Variants in STK32B observed in about 807,000 individuals in gnomAD.
The protein encoded by STK32B is serine/threonine-protein kinase 32B.
STK32B carries 43 observed loss-of-function variants against 52.6 expected under a neutral mutation model. The observed-to-expected ratio is 0.82, with a 90% CI of 0.64 to 1.05. The LOEUF (loss-of-function observed/expected upper bound fraction) is 1.05, where lower values mean the gene tolerates loss of function less well. Ranked by LOEUF, STK32B falls within the 50% of genes least tolerant of loss-of-function variation. The pLI is 0.00. For missense variants in STK32B, 621 were observed against 534.6 expected, an observed-to-expected ratio of 1.16 and a Z score of -1.59; for synonymous variants, 238 against 204.3, an observed-to-expected ratio of 1.17 and a Z score of -1.41.
chr4:5,473,546 G>A (rs1003068529), intron 11 of STK32B, among the ~76,000 whole-genome samples: 17 of 152,180 alleles, frequency 1.1e-4, no homozygotes, highest in Non-Finnish European at 5.9e-5. Context: ...TGGCAGAGCC[G>A]GGGTTCCACA....
intron 3 of STK32B, among the ~76,000 whole-genome samples, chr4:5,179,625 G>C (rs76688644): frequency 0.19 from 28,490 of 152,090 alleles, 3,341 homozygotes; most frequent in East Asian, 0.3. Context: ...TAGATTGATA[G>C]ACGATGGCCC....
intron 4 of STK32B, among the ~76,000 whole-genome samples, chr4:5,336,405 T>A (rs1158365582): frequency 6.6e-6 from 1 of 152,042 alleles, no homozygotes; most frequent in African/African-American, 2.4e-5. Context: ...TCCAGGGAAA[T>A]CTTCTAACTT....
chr4:5,079,204 T>G (rs1473375922), intron 1 of STK32B, among the ~76,000 whole-genome samples: 1 of 152,350 alleles, frequency 6.6e-6, no homozygotes, highest in East Asian at 1.9e-4. Flanking sequence ...AGTAATTTAT[T>G]TAACTATATT....
intron 11 of STK32B, among the ~76,000 whole-genome samples, chr4:5,492,939 G>A (rs377728328): frequency 6.6e-6 from 1 of 151,114 alleles, no homozygotes; most frequent in Non-Finnish European, 1.5e-5. Context: ...CTTGATCATG[G>A]TGGATAAGCT....
At chr4:5,310,879 G>T (rs888180467) in intron 3 of STK32B, among the ~76,000 whole-genome samples, 4 of 152,104 alleles carry the variant, frequency 2.6e-5, no homozygotes, top group African/African-American at 4.8e-5. Context: ...AAATTCTGTC[G>T]TTCATGGCAA....
intron 2 of STK32B, among the ~76,000 whole-genome samples, chr4:5,164,116 A>G (rs374003102): frequency 1.4e-4 from 21 of 152,220 alleles, no homozygotes; most frequent in African/African-American, 4.8e-4. Context: ...ATAGATTGTG[A>G]TAACTTCCTA....
intron 1 of STK32B, among the ~76,000 whole-genome samples, chr4:5,131,713 T>C (rs552398955): frequency 6.6e-6 from 1 of 152,214 alleles, no homozygotes; most frequent in Non-Finnish European, 1.5e-5. Flanking sequence ...CCTCCTCATA[T>C]CAGCATGGCA....
chr4:5,304,599 T>C (rs1729793962), intron 3 of STK32B, among the ~76,000 whole-genome samples: 1 of 152,096 alleles, frequency 6.6e-6, no homozygotes, highest in South Asian at 2.1e-4. Context: ...CTTTAGGGTT[T>C]TCTAGGTATA....
chr4:5,092,762 G>A (rs1485691567), intron 1 of STK32B, among the ~76,000 whole-genome samples: 1 of 152,080 alleles, frequency 6.6e-6, no homozygotes, highest in Non-Finnish European at 1.5e-5. Flanking sequence ...GCACCAAGGA[G>A]ATGGTGCTAA....
At chr4:5,183,849 A>G (rs894839577) in intron 3 of STK32B, among the ~76,000 whole-genome samples, 4 of 152,118 alleles carry the variant, frequency 2.6e-5, no homozygotes, top group Admixed American at 2.6e-4. Flanking sequence ...GCTACCTTTC[A>G]GCTTTTCTTC....
intron 3 of STK32B, among the ~76,000 whole-genome samples, chr4:5,226,663 A>G (rs760538080): frequency 6.6e-6 from 1 of 152,182 alleles, no homozygotes; most frequent in Non-Finnish European, 1.5e-5. Flanking sequence ...TTACTTAATA[A>G]CGGCCCCAAA....
chr4:5,329,293 C>T (rs952380870), intron 3 of STK32B, among the ~76,000 whole-genome samples: 3 of 152,172 alleles, frequency 2.0e-5, no homozygotes, highest in African/African-American at 7.2e-5. Flanking sequence ...GGAGCAGGGA[C>T]TGTATCTTAC....
chr4:5,163,153 A>T (rs1176468202), intron 2 of STK32B, among the ~76,000 whole-genome samples: 1 of 152,162 alleles, frequency 6.6e-6, no homozygotes, highest in Admixed American at 6.6e-5. Context: ...GTGGGACAGG[A>T]GAAGGCTTGC....
At chr4:5,098,229 G>A (rs1713510079) in intron 1 of STK32B, among the ~76,000 whole-genome samples, 1 of 152,212 alleles carries the variant, frequency 6.6e-6, no homozygotes, top group African/African-American at 2.4e-5. Context: ...AGTGAAAAGT[G>A]TTAAAGACAG....
At chr4:5,045,883 T>G in the STK32B span, among the ~76,000 whole-genome samples, 10 of 152,316 alleles carry the variant, frequency 6.6e-5, no homozygotes, top group African/African-American at 1.9e-4. Context: ...CTCTTCCTAT[T>G]TGAATACCCC....
intron 4 of STK32B, among the ~76,000 whole-genome samples, chr4:5,332,401 G>A (rs528214073): frequency 1.6e-4 from 25 of 152,278 alleles, no homozygotes; most frequent in African/African-American, 5.5e-4. Flanking sequence ...CTCAGGAATT[G>A]GCAGCACCTG....
At chr4:5,238,444 C>T (rs1341520609) in intron 3 of STK32B, among the ~76,000 whole-genome samples, 1 of 152,062 alleles carries the variant, frequency 6.6e-6, no homozygotes, top group African/African-American at 2.4e-5. Context: ...ATGATCTCAT[C>T]TCAAGATCCT....
intron 3 of STK32B, among the ~76,000 whole-genome samples, chr4:5,277,153 A>G (rs1007052368): frequency 2.0e-5 from 3 of 152,198 alleles, no homozygotes; most frequent in African/African-American, 7.2e-5. Context: ...TCAAAATAGG[A>G]TATAACAAGC....
chr4:5,103,629 A>G (rs1713946252), intron 1 of STK32B, among the ~76,000 whole-genome samples: 1 of 152,134 alleles, frequency 6.6e-6, no homozygotes, highest in Non-Finnish European at 1.5e-5. Context: ...CTCTAAATAC[A>G]CGCTGAGAAA....
Sources: gnomAD v4.1 joint callset for allele counts (sites outside exome capture counted in the v4.1 genomes callset) on GRCh38, gnomAD v4.1.1 for gene constraint, MANE v1.5 for transcripts, NCBI Gene and HGNC (gene_info 2026-07-23, HGNC 2026-07-21) for gene names.